RAD51B: variants seen among roughly 807,000 people sequenced by gnomAD.
RAD51B encodes the protein DNA repair protein RAD51 homolog 2.
In RAD51B, 38 loss-of-function variants were observed where a neutral mutation model predicts 42.2. That is an observed-to-expected ratio of 0.90 (90% CI 0.70 to 1.18). The LOEUF (loss-of-function observed/expected upper bound fraction) is 1.18. RAD51B is among the 50% of genes most tolerant of loss of function. The probability of loss-of-function intolerance (pLI) is 0.00; values close to 1 mark genes in which losing one functional copy is unlikely to be tolerated. For synonymous variants in RAD51B, 154 were observed against 145.2 expected, an observed-to-expected ratio of 1.06 and a Z score of -0.43; for missense variants, 373 against 400.7, an observed-to-expected ratio of 0.93 and a Z score of 0.59.
chr14:68,197,985 G>A (rs915002614), intron 7 of RAD51B, among the ~76,000 whole-genome samples: 4 of 152,054 alleles, frequency 2.6e-5, no homozygotes, highest in Non-Finnish European at 4.4e-5. Context: ...TAATTAAAAT[G>A]GTTAGTTCTT....
chr14:68,344,503 AC>A (rs1356173970), intron 8 of RAD51B, among the ~76,000 whole-genome samples: 1 of 151,886 alleles, frequency 6.6e-6, no homozygotes, highest in Admixed American at 6.6e-5. Flanking sequence ...AAAAATTAGC[AC>A]GGCGTGGTGG....
chr14:68,451,755 G>A (rs1159744030), intron 9 of RAD51B, among the ~76,000 whole-genome samples: 3 of 152,342 alleles, frequency 2.0e-5, no homozygotes, highest in South Asian at 4.1e-4. Flanking sequence ...CATCAGAGCA[G>A]GGCCAGGGAT....
chr14:68,659,184 G>A (rs1290325045), intron 11 of RAD51B, among the ~76,000 whole-genome samples: 1 of 152,230 alleles, frequency 6.6e-6, no homozygotes. Flanking sequence ...CTCCAGGCCA[G>A]CCTGTTCCAC....
At chr14:68,217,471 T>C (rs2079839454) in intron 7 of RAD51B, among the ~76,000 whole-genome samples, 1 of 152,196 alleles carries the variant, frequency 6.6e-6, no homozygotes, top group Non-Finnish European at 1.5e-5. Flanking sequence ...CGGTACTCTA[T>C]GATGCGGGTG....
At chr14:68,491,672 C>T (rs1179141781) in intron 10 of RAD51B, among the ~76,000 whole-genome samples, 2 of 152,172 alleles carry the variant, frequency 1.3e-5, no homozygotes, top group South Asian at 2.1e-4. Flanking sequence ...TCTGGGCCCT[C>T]AGAGAATGCC....
At chr14:68,512,547 G>T (rs947308622) in intron 10 of RAD51B, among the ~76,000 whole-genome samples, 29 of 152,186 alleles carry the variant, frequency 1.9e-4, no homozygotes, top group African/African-American at 7.0e-4. Flanking sequence ...GTGCGGGTCT[G>T]TGTAGAGTGA....
chr14:68,319,771 A>T (rs1220642199), intron 8 of RAD51B, among the ~76,000 whole-genome samples: 1 of 152,128 alleles, frequency 6.6e-6, no homozygotes, highest in Non-Finnish European at 1.5e-5. Flanking sequence ...TCTTCTGTAA[A>T]ATGTCTATCT....
intron 7 of RAD51B, among the ~76,000 whole-genome samples, chr14:67,921,567 TCA>T (rs3219795): frequency 0.15 from 18,437 of 125,362 alleles, 1,230 homozygotes; most frequent in East Asian, 0.2. Flanking sequence ...TATGTGCACA[TCA>T]CACACACACA....
chr14:68,251,323 G>GC (rs757564744), intron 7 of RAD51B, among the ~76,000 whole-genome samples: 1 of 152,098 alleles, frequency 6.6e-6, no homozygotes, highest in Non-Finnish European at 1.5e-5. Context: ...ACCTCGATGA[G>GC]CCCCGGCCCA....
intron 7 of RAD51B, among the ~76,000 whole-genome samples, chr14:68,015,242 A>G (rs939441082): frequency 1.3e-5 from 2 of 152,226 alleles, no homozygotes; most frequent in African/African-American, 4.8e-5. Flanking sequence ...CCTATTCATT[A>G]AATCATTCTT....
chr14:68,595,153 T>A, exon 11 of RAD51B: 1 of 1,066,600 alleles, frequency 9.4e-7, no homozygotes, highest in Non-Finnish European at 1.1e-6. Flanking sequence ...ACGTTTATTC[T>A]CTTCCCTCCC....
chr14:68,627,651 C>A (rs972183092), intron 10 of RAD51B, among the ~76,000 whole-genome samples: 1 of 152,186 alleles, frequency 6.6e-6, no homozygotes, highest in Non-Finnish European at 1.5e-5. Flanking sequence ...CTGCCAGTCC[C>A]CATTACCTAT....
intron 7 of RAD51B, among the ~76,000 whole-genome samples, chr14:68,268,747 T>G (rs2081043752): frequency 6.6e-6 from 1 of 152,228 alleles, no homozygotes. Context: ...GCACAGAGCA[T>G]CTTTAATTTA....
intron 7 of RAD51B, among the ~76,000 whole-genome samples, chr14:68,104,517 G>A (rs1338472706): frequency 6.6e-6 from 1 of 152,126 alleles, no homozygotes; most frequent in Non-Finnish European, 1.5e-5. Context: ...GACCAAAACT[G>A]AATTCTGTGT....
At position 67,978,612 on chromosome 14, in the gene RAD51B, A is replaced by T. The variant is rs2075036868; in HGVS notation, c.756+91408A>T. On this transcript the variant is annotated intron_variant, in intron 7 of 10. Coordinates refer to ENST00000471583, the MANE Select transcript of RAD51B (RefSeq NM_133510.4). ...GTGTGAAGGAGGTGCAGAGGCAGAC[A>T]TGAAAAAGTGTCAGGAAGAAGTCTG... Among the ~76,000 whole-genome samples, 9 of 152,352 alleles carry T rather than the reference A, an allele frequency of 5.9e-5. No homozygotes were observed. In the South Asian group the frequency reaches 1.9e-3, roughly 32 times the overall value.
At chr14:67,952,990 A>G (rs75894457) in intron 7 of RAD51B, among the ~76,000 whole-genome samples, 2,224 of 152,212 alleles carry the variant, frequency 0.015, 58 homozygotes, top group African/African-American at 0.05. Context: ...TGTGAGACTT[A>G]CATATATTCT....
chr14:68,546,548 G>A (rs779583686), intron 10 of RAD51B, among the ~76,000 whole-genome samples: 2 of 152,340 alleles, frequency 1.3e-5, no homozygotes, highest in Middle Eastern at 3.4e-3. Flanking sequence ...GGAAATATAC[G>A]TGGGCAATTC....
chr14:68,256,113 A>G (rs1227838930), intron 7 of RAD51B, among the ~76,000 whole-genome samples: 1 of 152,184 alleles, frequency 6.6e-6, no homozygotes, highest in East Asian at 1.9e-4. Flanking sequence ...CTTACCTCTG[A>G]CTAGATTTGG....
intron 10 of RAD51B, among the ~76,000 whole-genome samples, chr14:68,610,424 C>A (rs1024437589): frequency 1.3e-5 from 2 of 152,226 alleles, no homozygotes; most frequent in Admixed American, 6.5e-5. Context: ...GGACACAGAG[C>A]CCATCAGAGT....
Sources: allele counts gnomAD v4.1 joint callset (sites outside exome capture counted in the v4.1 genomes callset), GRCh38; gene constraint gnomAD v4.1.1; transcripts MANE v1.5; gene names NCBI Gene and HGNC (gene_info 2026-07-23, HGNC 2026-07-21).